The following SMCO4 variants were observed in gnomAD, a reference collection of about 807,000 sequenced individuals.
SMCO4 encodes single-pass membrane and coiled-coil domain-containing protein 4.
SMCO4 carries 4 observed loss-of-function variants against 3.6 expected under a neutral mutation model. The observed-to-expected ratio is 1.11, with a 90% CI of 0.54 to 2.53. The LOEUF is 2.53. SMCO4 is among the 30% of genes most tolerant of loss of function. The pLI is 0.02. For missense variants in SMCO4, 70 were observed against 80.8 expected, an observed-to-expected ratio of 0.87 and a Z score of 0.51; for synonymous variants, 36 against 35.3, an observed-to-expected ratio of 1.02 and a Z score of -0.07.
At chr11:93,502,632 C>T (rs185385820) in intron 1 of SMCO4, among the ~76,000 whole-genome samples, 69 of 152,312 alleles carry the variant, frequency 4.5e-4, no homozygotes, top group African/African-American at 1.6e-3. Flanking sequence ...AACAAATTCT[C>T]ATTAAGTGGC....
chr11:93,486,424 A>G (rs1170806468), intron 2 of SMCO4, among the ~76,000 whole-genome samples: 2 of 152,216 alleles, frequency 1.3e-5, no homozygotes, highest in Non-Finnish European at 2.9e-5. Flanking sequence ...GACACAGGGA[A>G]GGTTGTGAGA....
chr11:93,537,054 C>G (rs955409799), intron 1 of SMCO4, among the ~76,000 whole-genome samples: 2 of 152,226 alleles, frequency 1.3e-5, no homozygotes, highest in Admixed American at 1.3e-4. Context: ...ACCTGCTCAT[C>G]ACCAAAACTC....
chr11:93,494,579 G>T (rs1300262035), intron 2 of SMCO4, among the ~76,000 whole-genome samples: 1 of 152,130 alleles, frequency 6.6e-6, no homozygotes, highest in South Asian at 2.1e-4. Context: ...GCAACCCAGG[G>T]GAGTACAATC....
At position 93,534,383 on chromosome 11, in the gene SMCO4, G is replaced by GAGAGAC. The variant is rs796744148; in HGVS notation, c.-154+8892_-154+8893insGTCTCT. Among the ~76,000 whole-genome samples, 12 of 148,596 alleles carry GAGAGAC rather than the reference G, an allele frequency of 8.1e-5. No individual in the cohort carries two copies. In the East Asian group the frequency reaches 2.0e-3, roughly 24 times the overall value. ...ATATATATATATATATATAGAGAGA[G>GAGAGAC]AGAGAGAGAGAGATACATATATATA... is the stretch of plus-strand genomic sequence containing the variant. On this transcript the variant is annotated intron_variant, in intron 1 of 2. Transcript: ENST00000298966.
intron 1 of SMCO4, among the ~76,000 whole-genome samples, chr11:93,536,273 T>C (rs1031859369): frequency 3.9e-5 from 6 of 152,246 alleles, no homozygotes; most frequent in African/African-American, 1.4e-4. Context: ...GTATGGGTAC[T>C]GCTGCAACAT....
chr11:93,538,863 C>G (rs1466893335), intron 1 of SMCO4, among the ~76,000 whole-genome samples: 1 of 152,152 alleles, frequency 6.6e-6, no homozygotes, highest in Non-Finnish European at 1.5e-5. Context: ...TTTCTCTACA[C>G]CTAATTTCTA....
intron 1 of SMCO4, among the ~76,000 whole-genome samples, chr11:93,506,929 C>A (rs1196278526): frequency 6.6e-6 from 1 of 152,172 alleles, no homozygotes. Flanking sequence ...GAGCTGCAAG[C>A]TTAGCCACTG....
chr11:93,544,714 G>A (rs569634372), upstream of SMCO4, among the ~76,000 whole-genome samples: 1 of 152,120 alleles, frequency 6.6e-6, no homozygotes, highest in African/African-American at 2.4e-5. Flanking sequence ...GGATCAGAGG[G>A]GATTGGGCTG....
In SMCO4 at chr11:93,479,064, C is replaced by T. The variant is rs771831111; in HGVS notation, c.126G>A (p.Val42=). ...CGTACACAAACACCACGATCAAGAG[C>T]ACGACCACGGCCAGCGTGGGCAGCA... is the stretch of plus-strand genomic sequence containing the variant. ...TVVLPTLAVV[V]LLIVVFVYVA... is the part of the protein sequence containing the mutation. Residue 42 remains valine, a synonymous_variant, in exon 3 of 3, where the codon GTG becomes GTA. Coordinates refer to ENST00000298966, the MANE Select transcript of SMCO4 (RefSeq NM_020179.3). 1 of 1,613,886 alleles carries T rather than the reference C, an allele frequency of 6.2e-7. No individual in the cohort carries two copies. The highest frequency in any genetic ancestry group is 8.5e-7 in the Non-Finnish European group (1 of 1,179,996).
At chr11:93,544,272 T>C (rs1949298481), upstream of SMCO4, among the ~76,000 whole-genome samples, 1 of 152,272 alleles carries the variant, frequency 6.6e-6, no homozygotes, top group South Asian at 2.1e-4. Flanking sequence ...TTACTACTGA[T>C]GCAGTAGGTG....
chr11:93,535,467 C>T (rs763918160), intron 1 of SMCO4: 34 of 1,388,472 alleles, frequency 2.4e-5, no homozygotes, highest in South Asian at 1.5e-4. Flanking sequence ...AGAGTCGCCG[C>T]GATGGTGTTG....
chr11:93,493,941 C>T (rs2134586375), intron 2 of SMCO4, among the ~76,000 whole-genome samples: 1 of 152,290 alleles, frequency 6.6e-6, no homozygotes, highest in South Asian at 2.1e-4. Flanking sequence ...ATTGTTCTCC[C>T]TTATCCTAAA....
chr11:93,490,294 C>G (rs551461109), intron 2 of SMCO4, among the ~76,000 whole-genome samples: 7 of 152,308 alleles, frequency 4.6e-5, no homozygotes, highest in African/African-American at 1.4e-4. Flanking sequence ...ATGTCTTTAA[C>G]TAGTTGACCT....
At chr11:93,542,149 T>G (rs1043714989) in intron 1 of SMCO4, among the ~76,000 whole-genome samples, 3 of 150,284 alleles carry the variant, frequency 2.0e-5, no homozygotes, top group African/African-American at 4.9e-5. Flanking sequence ...ATCTGCATTG[T>G]CAACGGGCTC....
intron 1 of SMCO4, among the ~76,000 whole-genome samples, chr11:93,533,799 C>T (rs188892892): frequency 2.9e-3 from 448 of 152,212 alleles, no homozygotes; most frequent in African/African-American, 9.5e-3. Flanking sequence ...TCATCTGCCC[C>T]GACAGCTACT....
intron 1 of SMCO4, among the ~76,000 whole-genome samples, chr11:93,511,802 C>T (rs1948959799): frequency 6.6e-6 from 1 of 152,156 alleles, no homozygotes; most frequent in South Asian, 2.1e-4. Flanking sequence ...CATACAAATG[C>T]AGGACATTAA....
At chr11:93,535,935 G>C in intron 1 of SMCO4, 3 of 1,505,234 alleles carry the variant, frequency 2.0e-6, no homozygotes, top group Non-Finnish European at 1.8e-6. Flanking sequence ...ATAAGATTAG[G>C]GTCTTTTTGG....
chr11:93,501,305 A>C (rs1948835871), intron 1 of SMCO4, among the ~76,000 whole-genome samples: 1 of 152,252 alleles, frequency 6.6e-6, no homozygotes. Flanking sequence ...GACAGGGCAC[A>C]GACTAGTATA....
At chr11:93,528,754 A>C (rs1949135707) in intron 1 of SMCO4, among the ~76,000 whole-genome samples, 1 of 152,196 alleles carries the variant, frequency 6.6e-6, no homozygotes, top group African/African-American at 2.4e-5. Context: ...CAGGGAGGCA[A>C]GTAACTTATC....
Sources: allele counts gnomAD v4.1 joint callset (sites outside exome capture counted in the v4.1 genomes callset), GRCh38; gene constraint gnomAD v4.1.1; transcripts MANE v1.5; gene names NCBI Gene and HGNC (gene_info 2026-07-23, HGNC 2026-07-21).